The following SUMF1 variants were observed in gnomAD, a reference collection of about 807,000 sequenced individuals.
SUMF1 encodes the protein formylglycine-generating enzyme.
A neutral mutation model predicts 47.6 loss-of-function variants in SUMF1; 48 were observed. The ratio of observed to expected loss-of-function variants is 1.01; its 90% confidence interval spans 0.80 to 1.28. The LOEUF (loss-of-function observed/expected upper bound fraction) is 1.28. SUMF1 is among the 50% of genes most tolerant of loss of function. The pLI is 0.00. For missense variants in SUMF1, 571 were observed against 485.4 expected (o/e 1.18, Z -1.66); for synonymous variants, 230 against 192.1 (o/e 1.20, Z -1.63).
chr3:4,246,755 G>A (rs1217048780), intron 8 of SUMF1, among the ~76,000 whole-genome samples: 1 of 152,122 alleles, frequency 6.6e-6, no homozygotes, highest in Non-Finnish European at 1.5e-5. Context: ...ACCACCAAGA[G>A]AAGTGGTTGA....
intron 1 of SUMF1, among the ~76,000 whole-genome samples, chr3:4,458,824 C>T (rs2079735501): frequency 6.6e-6 from 1 of 152,102 alleles, no homozygotes; most frequent in South Asian, 2.1e-4. Context: ...CCACTGCACT[C>T]CAGCCTGGGC....
chr3:4,343,674 T>A (rs1279518475), intron 8 of SUMF1, among the ~76,000 whole-genome samples: 1 of 152,186 alleles, frequency 6.6e-6, no homozygotes, highest in Non-Finnish European at 1.5e-5. Context: ...TAAAGAAGAA[T>A]TGAAATGCTG....
At chr3:4,450,461 ATCT>A (rs906870739) in intron 2 of SUMF1, among the ~76,000 whole-genome samples, 5 of 152,052 alleles carry the variant, frequency 3.3e-5, no homozygotes, top group Non-Finnish European at 5.9e-5. Flanking sequence ...TTCACCCCTA[ATCT>A]TCTTCCTGCA....
intron 8 of SUMF1, among the ~76,000 whole-genome samples, chr3:4,284,461 G>C (rs1697590949): frequency 6.9e-6 from 1 of 145,000 alleles, no homozygotes; most frequent in Non-Finnish European, 1.6e-5. Context: ...AGGAGGAGGA[G>C]GAGGAGGAGG....
At chr3:4,057,178 C>A (rs1210693417) in intron 9 of SUMF1, among the ~76,000 whole-genome samples, 1 of 152,132 alleles carries the variant, frequency 6.6e-6, no homozygotes, top group Admixed American at 6.6e-5. Flanking sequence ...AAGGGTAGCA[C>A]CACCAGCTGC....
At chr3:4,243,502 C>T (rs1403475440) in intron 8 of SUMF1, among the ~76,000 whole-genome samples, 1 of 152,104 alleles carries the variant, frequency 6.6e-6, no homozygotes. Flanking sequence ...TTTATTTCTG[C>T]CTTCATTTCG....
chr3:4,128,729 T>C (rs1574908123), intron 8 of SUMF1, among the ~76,000 whole-genome samples: 1 of 152,052 alleles, frequency 6.6e-6, no homozygotes, highest in Non-Finnish European at 1.5e-5. Context: ...AAATTAGAAA[T>C]AATTTATATA....
intron 8 of SUMF1, among the ~76,000 whole-genome samples, chr3:4,265,215 G>A (rs577977295): frequency 2.3e-4 from 35 of 151,170 alleles, no homozygotes; most frequent in Admixed American, 6.6e-4. Flanking sequence ...GAAGATCCCT[G>A]GTTGTGTGAA....
At chr3:4,432,616 G>C (rs1269115454) in intron 3 of SUMF1, among the ~76,000 whole-genome samples, 1 of 152,112 alleles carries the variant, frequency 6.6e-6, no homozygotes, top group Non-Finnish European at 1.5e-5. Context: ...TCACCTCAGA[G>C]AGACCATCAC....
chr3:4,166,787 G>A (rs1187980029), intron 8 of SUMF1, among the ~76,000 whole-genome samples: 1 of 152,062 alleles, frequency 6.6e-6, no homozygotes, highest in Admixed American at 6.5e-5. Flanking sequence ...GAGCTGAATG[G>A]CTTCCCTCTC....
At chr3:4,433,862 C>T (rs147850513) in intron 3 of SUMF1, among the ~76,000 whole-genome samples, 29 of 152,306 alleles carry the variant, frequency 1.9e-4, no homozygotes, top group African/African-American at 6.7e-4. Context: ...AAAGAACACA[C>T]CCCACTGATG....
intron 8 of SUMF1, among the ~76,000 whole-genome samples, chr3:4,209,043 A>G (rs1485255): frequency 0.61 from 93,018 of 151,960 alleles, 28,654 homozygotes; most frequent in South Asian, 0.71. Context: ...TTTCTGAAAA[A>G]GTTTGTGTAG....
rs1367986683 is a variant in SUMF1, at chr3:4,150,944, G to T, written c.1015-82199C>A. Among the ~76,000 whole-genome samples, 4 of 151,410 alleles carry T rather than the reference G, an allele frequency of 2.6e-5. 1 individual carries two copies. Among genetic ancestry groups the T allele is most frequent in the African/African-American group, 9.8e-5 (4 of 40,758 alleles). The stretch of plus-strand genomic sequence containing the variant: ...CCAAAACGGCCAGCAAACTCTTTCT[G>T]CTCTCTTCGAAAGTGACAGACTATT... On this transcript the variant is annotated intron_variant and NMD_transcript_variant, in intron 8 of 12. Coordinates refer to the SUMF1 transcript ENST00000448413.
At chr3:4,267,608 T>A (rs1411196858) in intron 8 of SUMF1, among the ~76,000 whole-genome samples, 9 of 152,128 alleles carry the variant, frequency 5.9e-5, no homozygotes, top group Non-Finnish European at 1.5e-5. Flanking sequence ...AAGAAGACAT[T>A]TATGCAGCCA....
intron 8 of SUMF1, among the ~76,000 whole-genome samples, chr3:4,094,665 T>C (rs1021253058): frequency 2.0e-5 from 3 of 152,112 alleles, no homozygotes; most frequent in African/African-American, 7.2e-5. Flanking sequence ...AATTATGCAA[T>C]TGCCCTAGTT....
chr3:4,249,875 G>A (rs147207892), intron 8 of SUMF1, among the ~76,000 whole-genome samples: 27 of 152,254 alleles, frequency 1.8e-4, no homozygotes, highest in Non-Finnish European at 2.9e-4. Flanking sequence ...ACACACAAAT[G>A]ATAAGAATGC....
chr3:4,418,584 C>T (rs765262874), intron 4 of SUMF1, among the ~76,000 whole-genome samples: 5 of 152,212 alleles, frequency 3.3e-5, no homozygotes, highest in Non-Finnish European at 7.3e-5. Flanking sequence ...CCATATACAC[C>T]CTAGAGGCCC....
rs112957677 is a variant in SUMF1 at position 4,188,988 on chromosome 3, C to T, written c.1015-120243G>A. Among the ~76,000 whole-genome samples, 869 of 152,014 alleles carry T rather than the reference C, an allele frequency of 5.7e-3. 6 individuals are homozygous for T. The highest frequency in any genetic ancestry group is 7.6e-3 in the Non-Finnish European group (520 of 67,984). Reference sequence around the variant, plus strand: ...ATTCCTAATATTTCACCATTTTGACCGACAAAAACAATTTCACATGGGTTC... The same window carrying T: ...ATTCCTAATATTTCACCATTTTGACTGACAAAAACAATTTCACATGGGTTC... On this transcript the variant is annotated intron_variant and NMD_transcript_variant, in intron 8 of 12. Transcript: ENST00000448413.
At chr3:4,364,101 T>C (rs1699865961) in intron 8 of SUMF1, among the ~76,000 whole-genome samples, 1 of 136,612 alleles carries the variant, frequency 7.3e-6, no homozygotes, top group Admixed American at 8.0e-5. Flanking sequence ...ATAAGCTTTT[T>C]GATGTGCTGC....
Sources: gnomAD v4.1 joint callset for allele counts (sites outside exome capture counted in the v4.1 genomes callset) on GRCh38, gnomAD v4.1.1 for gene constraint, MANE v1.5 for transcripts, NCBI Gene and HGNC (gene_info 2026-07-23, HGNC 2026-07-21) for gene names.